Variants in DSCAM observed in about 807,000 individuals in gnomAD.
The protein encoded by DSCAM is cell adhesion molecule DSCAM.
DSCAM carries 47 observed loss-of-function variants against 217.7 expected under a neutral mutation model. The observed-to-expected ratio is 0.22, with a 90% CI of 0.17 to 0.28. The LOEUF is 0.28. Ranked by LOEUF, DSCAM falls within the 10% of genes least tolerant of loss-of-function variation. The pLI is 1.00. For missense variants in DSCAM, 2,080 were observed against 2,618.3 expected, an observed-to-expected ratio of 0.79 and a Z score of 4.49; for synonymous variants, 1,056 against 1,015.3, an observed-to-expected ratio of 1.04 and a Z score of -0.76.
chr21:40,532,845 T>C (rs1485110194), intron 3 of DSCAM, among the ~76,000 whole-genome samples: 1 of 150,668 alleles, frequency 6.6e-6, no homozygotes, highest in Non-Finnish European at 1.5e-5. Context: ...GCGGGGGTGG[T>C]GCTTCAAAAC....
intron 21 of DSCAM, among the ~76,000 whole-genome samples, chr21:40,091,761 G>A (rs370788999): frequency 2.6e-5 from 4 of 152,114 alleles, no homozygotes; most frequent in East Asian, 1.9e-4. Context: ...CATAGGGCAT[G>A]TATTACATGG....
At chr21:40,749,689 G>A (rs1186628610) in intron 1 of DSCAM, among the ~76,000 whole-genome samples, 4 of 152,116 alleles carry the variant, frequency 2.6e-5, no homozygotes, top group African/African-American at 9.7e-5. Flanking sequence ...TTTAAAAATA[G>A]AAATAGCATA....
chr21:40,282,489 G>A (rs905004231), intron 10 of DSCAM, among the ~76,000 whole-genome samples: 31 of 150,422 alleles, frequency 2.1e-4, no homozygotes, highest in African/African-American at 7.6e-4. Context: ...TACTAGGGAG[G>A]CTGAGGCAGG....
chr21:40,290,599 C>T (rs916587097), intron 10 of DSCAM, among the ~76,000 whole-genome samples: 5 of 152,096 alleles, frequency 3.3e-5, no homozygotes, highest in African/African-American at 1.2e-4. Flanking sequence ...CCAGCCTGGG[C>T]AACAGAGCGA....
intron 1 of DSCAM, among the ~76,000 whole-genome samples, chr21:40,743,361 A>G (rs1182273740): frequency 6.6e-6 from 1 of 152,232 alleles, no homozygotes; most frequent in Non-Finnish European, 1.5e-5. Context: ...CAACTTTGCT[A>G]TATCTGAGTT....
At chr21:40,590,594 AGAT>A (rs1235668978) in intron 3 of DSCAM, among the ~76,000 whole-genome samples, 1 of 152,220 alleles carries the variant, frequency 6.6e-6, no homozygotes, top group African/African-American at 2.4e-5. Context: ...ACCAGCCAAT[AGAT>A]GATATAGCTA....
At chr21:40,620,616 C>A (rs990117196) in intron 3 of DSCAM, among the ~76,000 whole-genome samples, 1 of 151,984 alleles carries the variant, frequency 6.6e-6, no homozygotes. Context: ...GGGAGGCAGG[C>A]AATACCAAAT....
rs1569075055 is a variant in DSCAM at position 40,343,840 on chromosome 21, A to ATTTTATTTCATTTTATTTTATTTTTTATT, written c.1210+3829_1210+3830insAATAAAAAATAAAATAAAATGAAATAAAA. Among the ~76,000 whole-genome samples the ATTTTATTTCATTTTATTTTATTTTTTATT allele has an allele frequency of 1.8e-4, 25 of 141,596 alleles. No homozygotes were observed. The East Asian group carries it at 3.1e-3, about 18-fold the overall frequency. 92.9% of individuals were successfully genotyped at this position (141,596 alleles called of 152,430 possible). On this transcript the variant is annotated intron_variant, in intron 6 of 32. Transcript: ENST00000400454. ...TATTTTATTTTACTTTATTTTATTT[A>ATTTTATTTCATTTTATTTTATTTTTTATT]TTATTATTTTATTTCATTTTATTTT...
intron 8 of DSCAM, 84 bp from the exon 9 acceptor site, chr21:40,312,443 G>A (rs867123672): frequency 2.0e-6 from 3 of 1,477,176 alleles, no homozygotes; most frequent in Middle Eastern, 1.8e-4. Context: ...CACTGAAAGG[G>A]TAGTACAGAC....
chr21:40,106,071 C>T (rs903508881), intron 20 of DSCAM, among the ~76,000 whole-genome samples: 1 of 152,116 alleles, frequency 6.6e-6, no homozygotes, highest in Non-Finnish European at 1.5e-5. Context: ...TTCCACATGG[C>T]TGGGGAGGCT....
intron 27 of DSCAM, among the ~76,000 whole-genome samples, chr21:40,071,794 G>C (rs998667057): frequency 6.6e-6 from 1 of 152,184 alleles, no homozygotes; most frequent in Non-Finnish European, 1.5e-5. Flanking sequence ...GGGTTCGCTT[G>C]TTATTGGGTG....
At chr21:40,436,619 G>A (rs1403885656) in intron 3 of DSCAM, among the ~76,000 whole-genome samples, 1 of 152,208 alleles carries the variant, frequency 6.6e-6, no homozygotes, top group Admixed American at 6.5e-5. Flanking sequence ...AGACTTGTTT[G>A]GCAGAACACC....
intron 3 of DSCAM, among the ~76,000 whole-genome samples, chr21:40,666,828 G>T (rs897883801): frequency 6.6e-6 from 1 of 152,220 alleles, no homozygotes; most frequent in African/African-American, 2.4e-5. Flanking sequence ...CTACTTCAAA[G>T]TGATGTGCAG....
At chr21:40,826,910 T>C (rs916607681) in intron 1 of DSCAM, among the ~76,000 whole-genome samples, 3 of 151,950 alleles carry the variant, frequency 2.0e-5, no homozygotes, top group Non-Finnish European at 4.4e-5. Context: ...GATACGAATA[T>C]GGAAGTCATC....
intron 3 of DSCAM, among the ~76,000 whole-genome samples, chr21:40,569,579 C>A (rs933020494): frequency 6.6e-6 from 1 of 152,122 alleles, no homozygotes; most frequent in East Asian, 1.9e-4. Context: ...CTCTCAGCCC[C>A]GCCCCATAGT....
chr21:40,171,936 T>C (rs2090663072), intron 15 of DSCAM, among the ~76,000 whole-genome samples: 1 of 152,218 alleles, frequency 6.6e-6, no homozygotes, highest in Non-Finnish European at 1.5e-5. Context: ...TTAACTAAAT[T>C]TGAAAATTGT....
chr21:40,620,308 G>GAGAGAGAGAGAAAAAAGAAAAAGAAAGAA (rs2089486035), intron 3 of DSCAM, among the ~76,000 whole-genome samples: 1 of 107,506 alleles, frequency 9.3e-6, no homozygotes, highest in Middle Eastern at 4.4e-3. Flanking sequence ...AAAAGAAAGA[G>GAGAGAGAGAGAAAAAAGAAAAAGAAAGAA]AGAGAGAAAG....
At chr21:40,565,716 A>G (rs955510327) in intron 3 of DSCAM, among the ~76,000 whole-genome samples, 9 of 152,296 alleles carry the variant, frequency 5.9e-5, no homozygotes, top group Admixed American at 4.6e-4. Flanking sequence ...GCCTGTCCAC[A>G]TGCATCCTTA....
intron 3 of DSCAM, among the ~76,000 whole-genome samples, chr21:40,605,410 C>T (rs1445954579): frequency 6.6e-6 from 1 of 152,142 alleles, no homozygotes; most frequent in Non-Finnish European, 1.5e-5. Context: ...CAGGAGTAAT[C>T]ACTTCCAAGC....
Sources: allele counts gnomAD v4.1 joint callset (sites outside exome capture counted in the v4.1 genomes callset), GRCh38; gene constraint gnomAD v4.1.1; transcripts MANE v1.5; gene names NCBI Gene and HGNC (gene_info 2026-07-23, HGNC 2026-07-21).